The following FHIT variants were observed in gnomAD, a reference collection of about 807,000 sequenced individuals.
The protein encoded by FHIT is fragile histidine triad diadenosine triphosphatase.
In FHIT, 19 loss-of-function variants were observed where a neutral mutation model predicts 17.9. The ratio of observed to expected loss-of-function variants is 1.06; its 90% CI spans 0.74 to 1.56. The LOEUF (loss-of-function observed/expected upper bound fraction) is 1.56. Ranked by LOEUF, FHIT falls within the 40% of genes most tolerant of loss-of-function variation. The pLI is 0.00. For synonymous variants in FHIT, 81 were observed against 69.7 expected (o/e 1.16, Z -0.81); for missense variants, 248 against 189.2 (o/e 1.31, Z -1.82).
chr3:60,998,177 T>C (rs922670995), intron 3 of FHIT, among the ~76,000 whole-genome samples: 3 of 152,154 alleles, frequency 2.0e-5, no homozygotes, highest in Non-Finnish European at 4.4e-5. Context: ...ACAACTGACA[T>C]CACATGATGA....
At chr3:60,155,173 C>CAA (rs10552580) in intron 5 of FHIT, among the ~76,000 whole-genome samples, 30 of 127,134 alleles carry the variant, frequency 2.4e-4, no homozygotes, top group African/African-American at 8.3e-4. Context: ...GTGACAGAGT[C>CAA]AAAAAAAAAA....
chr3:61,144,989 T>A (rs2037186439), intron 2 of FHIT, among the ~76,000 whole-genome samples: 1 of 152,186 alleles, frequency 6.6e-6, no homozygotes, highest in East Asian at 1.9e-4. Flanking sequence ...TCTTTGGGTA[T>A]ATCTTTTTAC....
At chr3:60,631,241 G>A (rs1470184730) in intron 4 of FHIT, among the ~76,000 whole-genome samples, 2 of 152,074 alleles carry the variant, frequency 1.3e-5, no homozygotes, top group African/African-American at 4.8e-5. Context: ...GCTGTGAAGA[G>A]GTATAATATC....
intron 5 of FHIT, among the ~76,000 whole-genome samples, chr3:60,108,472 T>C (rs555201567): frequency 1.8e-4 from 28 of 152,276 alleles, no homozygotes; most frequent in African/African-American, 6.7e-4. Flanking sequence ...TACCCACCCC[T>C]GTGTCCCACC....
At chr3:59,786,184 A>T (rs1699280957) in intron 8 of FHIT, among the ~76,000 whole-genome samples, 1 of 152,198 alleles carries the variant, frequency 6.6e-6, no homozygotes, top group Non-Finnish European at 1.5e-5. Flanking sequence ...AATCCGTGCC[A>T]ATAAAGATGC....
intron 4 of FHIT, among the ~76,000 whole-genome samples, chr3:60,595,045 C>T (rs1229030049): frequency 1.3e-5 from 2 of 152,054 alleles, no homozygotes; most frequent in African/African-American, 4.8e-5. Context: ...GAAACAGTCC[C>T]AAGGCGTCTA....
chr3:60,931,193 A>G (rs964174956), intron 3 of FHIT, among the ~76,000 whole-genome samples: 2 of 151,130 alleles, frequency 1.3e-5, no homozygotes, highest in African/African-American at 4.9e-5. Context: ...GAAGGGGAAC[A>G]TCAAACACCG....
At chr3:60,434,154 G>T (rs2029992064) in intron 5 of FHIT, among the ~76,000 whole-genome samples, 2 of 151,932 alleles carry the variant, frequency 1.3e-5, no homozygotes, top group African/African-American at 4.8e-5. Context: ...AATGACAGTG[G>T]GTGGTTACTG....
intron 4 of FHIT, among the ~76,000 whole-genome samples, chr3:60,589,777 T>A (rs922084008): frequency 6.6e-6 from 1 of 152,116 alleles, no homozygotes; most frequent in Non-Finnish European, 1.5e-5. Context: ...AGTATATTTT[T>A]GATTGTGATT....
chr3:60,335,586 C>T (rs1559830342), intron 5 of FHIT, among the ~76,000 whole-genome samples: 1 of 152,318 alleles, frequency 6.6e-6, no homozygotes, highest in East Asian at 1.9e-4. Flanking sequence ...AATCACCACA[C>T]ATCATCATTG....
intron 2 of FHIT, among the ~76,000 whole-genome samples, chr3:61,155,486 A>G (rs1553856171): frequency 1.3e-5 from 2 of 152,070 alleles, no homozygotes; most frequent in Non-Finnish European, 2.9e-5. Context: ...TTATTATAAA[A>G]GTTTTCAAAT....
Position 60,224,149 on chromosome 3 carries a change from G to A in FHIT, c.104-209997C>T, listed in dbSNP as rs547434835. Among the ~76,000 whole-genome samples, 21 of 152,004 alleles carry A rather than the reference G, an allele frequency of 1.4e-4. No homozygotes were observed. In the South Asian group the frequency reaches 1.9e-3, roughly 14 times the overall value. The stretch of plus-strand genomic sequence containing the variant: ...TATTTCGTAAAAAACAAACAAAAAC[G>A]AGCAAACCTCCCTGTGGAGGAGTAC... On this transcript the variant is annotated intron_variant, in intron 5 of 9. Coordinates refer to ENST00000492590, the MANE Select transcript of FHIT (RefSeq NM_002012.4).
intron 5 of FHIT, among the ~76,000 whole-genome samples, chr3:60,125,403 G>A (rs574681409): frequency 8.4e-4 from 128 of 152,162 alleles, no homozygotes; most frequent in Non-Finnish European, 9.0e-4. Flanking sequence ...AGGCTGAGGC[G>A]GTCGGATCGC....
At chr3:60,148,996 G>A (rs1173917043) in intron 5 of FHIT, among the ~76,000 whole-genome samples, 1 of 152,152 alleles carries the variant, frequency 6.6e-6, no homozygotes, top group Non-Finnish European at 1.5e-5. Context: ...CCACCATCAA[G>A]AGGAGGTTCC....
intron 8 of FHIT, among the ~76,000 whole-genome samples, chr3:59,792,796 C>A (rs991323358): frequency 2.0e-5 from 3 of 149,962 alleles, no homozygotes; most frequent in Admixed American, 6.7e-5. Flanking sequence ...GTCCATCTAT[C>A]ATTATTTCTA....
intron 5 of FHIT, among the ~76,000 whole-genome samples, chr3:60,225,988 T>C (rs575894458): frequency 6.6e-6 from 1 of 152,182 alleles, no homozygotes. Context: ...CTGGGCGCTC[T>C]GTTTATAAAA....
intron 8 of FHIT, among the ~76,000 whole-genome samples, chr3:59,814,180 A>T (rs916926357): frequency 6.6e-6 from 1 of 152,246 alleles, no homozygotes; most frequent in African/African-American, 2.4e-5. Flanking sequence ...TCAAGGAAGT[A>T]TTCACAGCTT....
intron 8 of FHIT, among the ~76,000 whole-genome samples, chr3:59,793,262 T>C (rs1699643109): frequency 6.6e-6 from 1 of 152,130 alleles, no homozygotes; most frequent in Non-Finnish European, 1.5e-5. Flanking sequence ...TTGTAGGTCA[T>C]TAAAAATGCA....
intron 5 of FHIT, among the ~76,000 whole-genome samples, chr3:60,027,332 T>C (rs182417): frequency 1.3e-5 from 2 of 152,186 alleles, no homozygotes; most frequent in African/African-American, 2.4e-5. Context: ...CATTTGTATA[T>C]TGTTATTCCT....
Sources: gnomAD v4.1 joint callset for allele counts (sites outside exome capture counted in the v4.1 genomes callset) on GRCh38, gnomAD v4.1.1 for gene constraint, MANE v1.5 for transcripts, NCBI Gene and HGNC (gene_info 2026-07-23, HGNC 2026-07-21) for gene names.